The following CNTN5 variants were observed in gnomAD, a reference collection of about 807,000 sequenced individuals.
CNTN5 encodes the protein contactin-5.
CNTN5 carries 77 observed loss-of-function variants against 129.1 expected under a neutral mutation model. That is an observed-to-expected ratio of 0.60 (90% CI 0.50 to 0.72). The LOEUF is 0.72. Among genes scored for constraint, CNTN5 ranks in the 30% least tolerant of loss-of-function variants. CNTN5 has a pLI of 0.00. For synonymous variants in CNTN5, 509 were observed against 465.6 expected, an observed-to-expected ratio of 1.09 and a Z score of -1.20; for missense variants, 1,478 against 1,328.8, an observed-to-expected ratio of 1.11 and a Z score of -1.75.
At chr11:99,399,775 TTCTC>T (rs753477237) in intron 2 of CNTN5, among the ~76,000 whole-genome samples, 18 of 151,950 alleles carry the variant, frequency 1.2e-4, no homozygotes, top group Non-Finnish European at 2.4e-4. Flanking sequence ...AAAACTTTGA[TTCTC>T]TCAGATATTT....
At chr11:99,844,207 T>C (rs1947606454) in intron 4 of CNTN5, among the ~76,000 whole-genome samples, 1 of 152,244 alleles carries the variant, frequency 6.6e-6, no homozygotes, top group Non-Finnish European at 1.5e-5. Flanking sequence ...CTTCCTTTTA[T>C]GCCTTTTGTC....
chr11:99,245,169 A>G (rs914378585), intron 1 of CNTN5, among the ~76,000 whole-genome samples: 23 of 152,152 alleles, frequency 1.5e-4, no homozygotes, highest in African/African-American at 5.6e-4. Flanking sequence ...GCTTAGGTAT[A>G]TTTTTACTGA....
chr11:99,672,066 A>C (rs573016766), intron 3 of CNTN5, among the ~76,000 whole-genome samples: 6 of 152,110 alleles, frequency 3.9e-5, no homozygotes, highest in Non-Finnish European at 5.9e-5. Context: ...CAGATTGTGT[A>C]ATTTCTTGTC....
At chr11:99,434,340 CA>C (rs1943518508) in intron 2 of CNTN5, among the ~76,000 whole-genome samples, 1 of 152,036 alleles carries the variant, frequency 6.6e-6, no homozygotes, top group Non-Finnish European at 1.5e-5. Flanking sequence ...TGAAAATTAG[CA>C]ATATTCCATG....
At chr11:99,741,610 C>T (rs1483436110) in intron 3 of CNTN5, among the ~76,000 whole-genome samples, 1 of 152,084 alleles carries the variant, frequency 6.6e-6, no homozygotes, top group Non-Finnish European at 1.5e-5. Flanking sequence ...CTTAACTGTT[C>T]AATGAAGTTA....
intron 1 of CNTN5, among the ~76,000 whole-genome samples, chr11:99,253,832 A>G (rs1235126705): frequency 2.0e-5 from 3 of 150,458 alleles, no homozygotes; most frequent in African/African-American, 7.3e-5. Context: ...CTCATTAACT[A>G]TAATAGTTTA....
chr11:99,300,519 T>C (rs1027628109), intron 1 of CNTN5, among the ~76,000 whole-genome samples: 6 of 152,078 alleles, frequency 3.9e-5, no homozygotes, highest in African/African-American at 1.4e-4. Flanking sequence ...TTAGTTTGCT[T>C]GTATTTTGTT....
At chr11:99,319,309 CT>C (rs1167316642) in intron 1 of CNTN5, among the ~76,000 whole-genome samples, 1 of 152,164 alleles carries the variant, frequency 6.6e-6, no homozygotes, top group Non-Finnish European at 1.5e-5. Context: ...AACCACATGA[CT>C]CAACTGATCT....
intron 2 of CNTN5, among the ~76,000 whole-genome samples, chr11:99,544,393 C>G (rs200764956): frequency 1.9e-5 from 2 of 103,642 alleles, no homozygotes; most frequent in African/African-American, 7.6e-5. Flanking sequence ...GACATTTAAA[C>G]TCATGTAAAT....
At chr11:99,314,019 G>A (rs549512482) in intron 1 of CNTN5, among the ~76,000 whole-genome samples, 1 of 151,988 alleles carries the variant, frequency 6.6e-6, no homozygotes, top group South Asian at 2.1e-4. Flanking sequence ...TCAAACCTGA[G>A]ATTTAAACTC....
chr11:100,356,342 C>A lies in CNTN5; in HGVS notation c.*122C>A, dbSNP rs1048113865. ...TGAGCTTTAAAAACTTGGGACTATA[C>A]ATGGTGAACTTACAGGAGGTTAGGG... On this transcript the variant is annotated 3_prime_UTR_variant, in exon 25 of 25. Coordinates refer to ENST00000524871, the MANE Select transcript of CNTN5 (RefSeq NM_014361.4). 5 of 701,764 alleles carry A rather than the reference C, an allele frequency of 7.1e-6. No homozygotes were observed. The highest frequency in any genetic ancestry group is 1.0e-5 in the Non-Finnish European group (4 of 398,284). 43.5% of individuals were successfully genotyped at this position (701,764 alleles called of 1,614,324 possible).
intron 2 of CNTN5, among the ~76,000 whole-genome samples, chr11:99,365,358 C>A (rs1213249240): frequency 6.6e-6 from 1 of 152,180 alleles, no homozygotes; most frequent in African/African-American, 2.4e-5. Flanking sequence ...AAAATAGAGT[C>A]TTTCCAACTT....
chr11:99,246,754 A>G (rs1356981676), intron 1 of CNTN5, among the ~76,000 whole-genome samples: 1 of 152,172 alleles, frequency 6.6e-6, no homozygotes, highest in Non-Finnish European at 1.5e-5. Flanking sequence ...GTCTCTGACC[A>G]TAAACAAAAT....
chr11:99,601,717 C>G (rs922098995), intron 3 of CNTN5, among the ~76,000 whole-genome samples: 10 of 152,338 alleles, frequency 6.6e-5, no homozygotes, highest in African/African-American at 2.2e-4. Context: ...AATCCCACCT[C>G]ATCTCTGTTC....
intron 1 of CNTN5, among the ~76,000 whole-genome samples, chr11:99,241,860 G>A (rs1431466026): frequency 6.6e-6 from 1 of 152,032 alleles, no homozygotes; most frequent in African/African-American, 2.4e-5. Flanking sequence ...AATTTGCTTT[G>A]TTGTTTATAA....
chr11:99,503,834 A>G (rs1197047024), intron 2 of CNTN5, among the ~76,000 whole-genome samples: 2 of 152,174 alleles, frequency 1.3e-5, no homozygotes. Context: ...TTTCTGTTAA[A>G]CTACTTTAAT....
intron 3 of CNTN5, among the ~76,000 whole-genome samples, chr11:99,579,504 A>T (rs1361779554): frequency 6.7e-6 from 1 of 149,486 alleles, no homozygotes; most frequent in African/African-American, 2.5e-5. Flanking sequence ...CTTTTATTTC[A>T]TTGAGCAGTG....
intron 1 of CNTN5, among the ~76,000 whole-genome samples, chr11:99,135,733 CTAAA>C (rs1859189170): frequency 2.6e-5 from 4 of 152,222 alleles, no homozygotes; most frequent in African/African-American, 7.2e-5. Context: ...TTATCTTCTA[CTAAA>C]TACTTACATG....
intron 2 of CNTN5, among the ~76,000 whole-genome samples, chr11:99,461,688 G>A (rs1343624400): frequency 3.9e-5 from 6 of 152,080 alleles, no homozygotes; most frequent in African/African-American, 9.7e-5. Context: ...AATCCTAGAC[G>A]CAGCATTGTT....
Sources: gnomAD v4.1 joint callset for allele counts (sites outside exome capture counted in the v4.1 genomes callset) on GRCh38, gnomAD v4.1.1 for gene constraint, MANE v1.5 for transcripts, NCBI Gene and HGNC (gene_info 2026-07-23, HGNC 2026-07-21) for gene names.